SLC9A9: variants seen among roughly 807,000 people sequenced by gnomAD.
The protein encoded by SLC9A9 is solute carrier family 9 member A9, also known as sodium/hydrogen exchanger 9.
A neutral mutation model predicts 77.8 loss-of-function variants in SLC9A9; 62 were observed. That is an observed-to-expected ratio of 0.80 (90% CI 0.65 to 0.98). SLC9A9 has a LOEUF of 0.98. Ranked by LOEUF, SLC9A9 falls within the 50% of genes least tolerant of loss-of-function variation. The probability of loss-of-function intolerance (pLI) is 0.00; values close to 1 mark genes in which losing one functional copy is unlikely to be tolerated. For missense variants in SLC9A9, 775 were observed against 774.9 expected (o/e 1.00, Z 0.00); for synonymous variants, 320 against 283.5 (o/e 1.13, Z -1.29).
At chr3:143,556,459 C>T (rs2036985549) in intron 8 of SLC9A9, among the ~76,000 whole-genome samples, 1 of 152,292 alleles carries the variant, frequency 6.6e-6, no homozygotes, top group African/African-American at 2.4e-5. Context: ...GAGAGAAGGG[C>T]TTGCTTCTTC....
intron 6 of SLC9A9, among the ~76,000 whole-genome samples, chr3:143,650,547 T>C (rs574156626): frequency 6.6e-6 from 1 of 152,240 alleles, no homozygotes; most frequent in Non-Finnish European, 1.5e-5. Context: ...GCAGAGCTCA[T>C]GGAAGGAAAG....
intron 9 of SLC9A9, among the ~76,000 whole-genome samples, chr3:143,507,357 G>A (rs770895740): frequency 5.9e-5 from 9 of 151,988 alleles, no homozygotes; most frequent in East Asian, 1.9e-4. Flanking sequence ...ACAGGTGCCC[G>A]CCACAGCGCC....
chr3:143,760,373 G>A (rs570270608), intron 4 of SLC9A9, among the ~76,000 whole-genome samples: 2 of 152,210 alleles, frequency 1.3e-5, no homozygotes, highest in East Asian at 3.9e-4. Flanking sequence ...AAGAAATAAA[G>A]GGTATTCAAT....
intron 2 of SLC9A9, among the ~76,000 whole-genome samples, chr3:143,798,153 A>C (rs1436247889): frequency 2.0e-5 from 3 of 151,996 alleles, no homozygotes; most frequent in Non-Finnish European, 4.4e-5. Context: ...TTCTCCTTTC[A>C]ATCTTGGCGC....
intron 5 of SLC9A9, among the ~76,000 whole-genome samples, chr3:143,678,746 G>A (rs1400466401): frequency 6.6e-6 from 1 of 152,100 alleles, no homozygotes; most frequent in Non-Finnish European, 1.5e-5. Flanking sequence ...CACTTTATAA[G>A]CTTTAAGATA....
chr3:143,576,983 T>C (rs1366838043), intron 7 of SLC9A9, among the ~76,000 whole-genome samples: 1 of 152,110 alleles, frequency 6.6e-6, no homozygotes, highest in Non-Finnish European at 1.5e-5. Context: ...AATCACTAAG[T>C]CTTAGAGATT....
At chr3:143,709,911 C>G (rs1402627385) in intron 4 of SLC9A9, among the ~76,000 whole-genome samples, 1 of 152,160 alleles carries the variant, frequency 6.6e-6, no homozygotes, top group African/African-American at 2.4e-5. Flanking sequence ...GAGATCCAAC[C>G]TTCCCCGACA....
At chr3:143,762,960 G>A (rs2007185199) in intron 4 of SLC9A9, among the ~76,000 whole-genome samples, 1 of 152,164 alleles carries the variant, frequency 6.6e-6, no homozygotes, top group Non-Finnish European at 1.5e-5. Context: ...CAGGCATTGG[G>A]AGGGGAACTT....
At chr3:143,334,491 A>G (rs1373451021) in intron 14 of SLC9A9, among the ~76,000 whole-genome samples, 1 of 152,170 alleles carries the variant, frequency 6.6e-6, no homozygotes, top group Non-Finnish European at 1.5e-5. Flanking sequence ...CTGAAGTCTG[A>G]TGGATTTTGG....
At chr3:143,673,190 C>T (rs963990515) in intron 5 of SLC9A9, among the ~76,000 whole-genome samples, 3 of 152,118 alleles carry the variant, frequency 2.0e-5, no homozygotes, top group Admixed American at 2.0e-4. Flanking sequence ...GATGAAAACT[C>T]AATGCTATAC....
chr3:143,268,865 A>T lies in SLC9A9; in HGVS notation c.1710+10T>A. On this transcript the variant is annotated intron_variant, in intron 15 of 15. Coordinates refer to ENST00000316549, the MANE Select transcript of SLC9A9 (RefSeq NM_173653.4). ...TATTCCCTCACCCTAGAGGCCTGAG[A>T]TTTACTTACCCCATAGGCTTGAGGA... is the stretch of plus-strand genomic sequence containing the variant. 6.2e-7 allele frequency: 1 copy of T among 1,603,968 alleles called. No individual in the cohort carries two copies.
intron 9 of SLC9A9, among the ~76,000 whole-genome samples, chr3:143,526,027 A>G (rs2036398739): frequency 6.6e-6 from 1 of 152,204 alleles, no homozygotes; most frequent in Admixed American, 6.5e-5. Flanking sequence ...GAGTCTTATT[A>G]CTCTGTTTTA....
intron 6 of SLC9A9, among the ~76,000 whole-genome samples, chr3:143,605,133 A>T (rs115317099): frequency 6.6e-6 from 1 of 152,106 alleles, no homozygotes; most frequent in South Asian, 2.1e-4. Flanking sequence ...TGTTGCCCCA[A>T]ATAACAAATA....
chr3:143,641,385 C>CTTTTTTTTTTTTTTTTTTTTTTTT (rs529425639), intron 6 of SLC9A9, among the ~76,000 whole-genome samples: 1 of 78,820 alleles, frequency 1.3e-5, no homozygotes, highest in Non-Finnish European at 2.4e-5. Context: ...TTGTCACAGT[C>CTTTTTTTTTTTTTTTTTTTTTTTT]TTTTTTTTTT....
At chr3:143,400,573 T>C (rs1315657668) in intron 12 of SLC9A9, among the ~76,000 whole-genome samples, 6 of 151,934 alleles carry the variant, frequency 3.9e-5, no homozygotes, top group East Asian at 1.9e-4. Context: ...AGACTCCAAA[T>C]TGGGTCCAGT....
chr3:143,812,330 A>G (rs984827915), intron 2 of SLC9A9, among the ~76,000 whole-genome samples: 3 of 152,346 alleles, frequency 2.0e-5, no homozygotes, highest in African/African-American at 7.2e-5. Context: ...GAAATAATAG[A>G]AAAAACAAAT....
chr3:143,598,358 A>G (rs1490248212), intron 6 of SLC9A9, among the ~76,000 whole-genome samples: 1 of 152,228 alleles, frequency 6.6e-6, no homozygotes, highest in Non-Finnish European at 1.5e-5. Flanking sequence ...TCCAGAATTA[A>G]GGAGATGTGT....
At chr3:143,410,134 T>C (rs1437653971) in intron 12 of SLC9A9, among the ~76,000 whole-genome samples, 1 of 152,186 alleles carries the variant, frequency 6.6e-6, no homozygotes, top group East Asian at 1.9e-4. Context: ...TGAATTGTAG[T>C]AGAGGAGAGG....
intron 12 of SLC9A9, among the ~76,000 whole-genome samples, chr3:143,396,452 G>C (rs2033732190): frequency 1.3e-5 from 2 of 152,154 alleles, no homozygotes; most frequent in Non-Finnish European, 1.5e-5. Flanking sequence ...GTGGGTTGGG[G>C]GGCTGGGGAA....
Sources: gnomAD v4.1 joint callset for allele counts (sites outside exome capture counted in the v4.1 genomes callset) on GRCh38, gnomAD v4.1.1 for gene constraint, MANE v1.5 for transcripts, NCBI Gene and HGNC (gene_info 2026-07-23, HGNC 2026-07-21) for gene names.